FAM117A: variants seen among roughly 807,000 people sequenced by gnomAD.
The protein encoded by FAM117A is family with sequence similarity 117 member A.
In FAM117A, 21 loss-of-function variants were observed where a neutral mutation model predicts 44.1. That is an observed-to-expected ratio of 0.48 (90% CI 0.34 to 0.69). The LOEUF (loss-of-function observed/expected upper bound fraction) is 0.69. Ranked by LOEUF, FAM117A falls within the 30% of genes least tolerant of loss-of-function variation. FAM117A has a pLI of 0.01. For missense variants in FAM117A, 498 were observed against 589.9 expected (o/e 0.84, Z 1.61); for synonymous variants, 220 against 238.3 (o/e 0.92, Z 0.71).
At chr17:49,746,027 G>A (rs1430430811) in intron 1 of FAM117A, among the ~76,000 whole-genome samples, 1 of 152,184 alleles carries the variant, frequency 6.6e-6, no homozygotes, top group East Asian at 1.9e-4. Context: ...TTATGGAGAA[G>A]GATGTTTTTA....
chr17:49,712,384 ACTC>A (rs1439795477), intron 7 of FAM117A, among the ~76,000 whole-genome samples: 1 of 150,512 alleles, frequency 6.6e-6, no homozygotes, highest in East Asian at 1.9e-4. Context: ...TAGTACCACG[ACTC>A]CTCCCCTCTA....
At chr17:49,748,986 G>A (rs1419012075) in intron 1 of FAM117A, among the ~76,000 whole-genome samples, 1 of 152,120 alleles carries the variant, frequency 6.6e-6, no homozygotes, top group Non-Finnish European at 1.5e-5. Context: ...GGGCCCTGTG[G>A]TTAATGAAAG....
At chr17:49,723,121 C>G (rs563273070) in intron 2 of FAM117A, among the ~76,000 whole-genome samples, 1 of 152,276 alleles carries the variant, frequency 6.6e-6, no homozygotes, top group South Asian at 2.1e-4. Context: ...GCAGGGGACT[C>G]CTGTATGGTG....
chr17:49,782,706 A>C (rs987236073), intron 1 of FAM117A, among the ~76,000 whole-genome samples: 5 of 151,932 alleles, frequency 3.3e-5, no homozygotes, highest in Admixed American at 6.6e-5. Context: ...AAAAAAAAAA[A>C]AAAAACCCTT....
upstream of FAM117A, among the ~76,000 whole-genome samples, chr17:49,764,640 T>TA (rs781546249): frequency 9.2e-5 from 14 of 152,324 alleles, no homozygotes; most frequent in African/African-American, 2.6e-4. Flanking sequence ...TAATTTAACC[T>TA]AAAAAACATT....
chr17:49,730,215 T>C lies in FAM117A; in HGVS notation c.366+2336A>G, dbSNP rs954160974. 3.3e-5 allele frequency among the ~76,000 whole-genome samples: 5 copies of C among 152,230 alleles called. 1 individual carries two copies. The highest frequency in any genetic ancestry group is 5.9e-5 in the Non-Finnish European group (4 of 68,028). On this transcript the variant is annotated intron_variant, in intron 2 of 7. Coordinates refer to ENST00000240364, the MANE Select transcript of FAM117A (RefSeq NM_030802.4). ...GACTGCGGCCACAATATTGACAGGT[T>C]GCTAAGAGTTCCTCGAGGGCTGGAG... is the stretch of plus-strand genomic sequence containing the variant.
intron 2 of FAM117A, among the ~76,000 whole-genome samples, chr17:49,731,787 A>AT (rs146601145): frequency 0.025 from 3,792 of 151,838 alleles, 155 homozygotes; most frequent in African/African-American, 0.086. Context: ...CTCATTTTTT[A>AT]TTTTTTTTAT....
At chr17:49,762,833 T>C (rs549138888) in intron 1 of FAM117A, among the ~76,000 whole-genome samples, 181 of 152,326 alleles carry the variant, frequency 1.2e-3, no homozygotes, top group African/African-American at 4.3e-3. Flanking sequence ...AGGTTCCTTT[T>C]CCCCTTCCTA....
intron 1 of FAM117A, among the ~76,000 whole-genome samples, chr17:49,738,004 G>A (rs982005082): frequency 1.3e-5 from 2 of 152,192 alleles, no homozygotes; most frequent in African/African-American, 4.8e-5. Flanking sequence ...ACCTAATGGA[G>A]GAGATGGCAG....
At chr17:49,772,192 C>T (rs939225168) in intron 1 of FAM117A, among the ~76,000 whole-genome samples, 2 of 151,804 alleles carry the variant, frequency 1.3e-5, no homozygotes, top group Non-Finnish European at 2.9e-5. Context: ...ATTTGGGAGG[C>T]TGAGGTGGGA....
chr17:49,756,635 G>A (rs1275988611), intron 1 of FAM117A, among the ~76,000 whole-genome samples: 2 of 151,522 alleles, frequency 1.3e-5, no homozygotes, highest in Non-Finnish European at 2.9e-5. Context: ...AGAGACAAAG[G>A]CCAGGCGTGG....
Position 49,732,539 on chromosome 17 carries a change from G to C in FAM117A, c.366+12C>G, listed in dbSNP as rs1182635880. On this transcript the variant is annotated intron_variant, in intron 2 of 7. Transcript: ENST00000240364. ...CCTTATCCCTTATCCCATCAGGAGAGAGCTTCATTACCTGGGTGGCCTTGT... is the reference window on the plus strand; with the variant it reads ...CCTTATCCCTTATCCCATCAGGAGACAGCTTCATTACCTGGGTGGCCTTGT... 4 of 1,613,902 alleles carry C rather than the reference G, an allele frequency of 2.5e-6. No homozygotes were observed. Among genetic ancestry groups the C allele is most frequent in the Admixed American group, 1.7e-5 (1 of 59,990 alleles).
intron 2 of FAM117A, chr17:49,724,388 A>T: frequency 2.2e-6 from 1 of 456,228 alleles, no homozygotes; most frequent in Non-Finnish European, 4.4e-6. Context: ...AAGATACTGT[A>T]CTCACAGGTG....
chr17:49,727,641 G>A (rs1206181983), intron 2 of FAM117A, among the ~76,000 whole-genome samples: 1 of 152,160 alleles, frequency 6.6e-6, no homozygotes, highest in African/African-American at 2.4e-5. Flanking sequence ...GGACAGCTGG[G>A]CATGGGGGTG....
intron 2 of FAM117A, among the ~76,000 whole-genome samples, chr17:49,725,639 G>A (rs751423559): frequency 2.0e-4 from 30 of 152,192 alleles, no homozygotes; most frequent in Non-Finnish European, 2.9e-4. Context: ...GCCCTGTGGC[G>A]GCAATGAGCC....
At position 49,723,790 on chromosome 17, in the gene FAM117A, G is replaced by C. The variant is rs1447774552; in HGVS notation, c.367-1196C>G. Among the ~76,000 whole-genome samples the C allele has an allele frequency of 2.6e-5, 4 of 152,292 alleles. No individual in the cohort carries two copies. In the East Asian group the frequency reaches 5.8e-4, roughly 22 times the overall value. The stretch of plus-strand genomic sequence containing the variant: ...GCTGCAGTGGAGAGGGGCCACTGGG[G>C]ATTGGGGCTCCCTGGCTCTTCCTTC... On this transcript the variant is annotated intron_variant, in intron 2 of 7. Coordinates refer to ENST00000240364, the MANE Select transcript of FAM117A (RefSeq NM_030802.4).
At chr17:49,743,452 A>C (rs1321110234) in intron 1 of FAM117A, among the ~76,000 whole-genome samples, 2 of 152,196 alleles carry the variant, frequency 1.3e-5, no homozygotes, top group African/African-American at 4.8e-5. Context: ...AAAAAAGGCC[A>C]GGCACAGTGG....
At chr17:49,712,161 G>T (rs2073481899) in intron 7 of FAM117A, among the ~76,000 whole-genome samples, 1 of 151,878 alleles carries the variant, frequency 6.6e-6, no homozygotes, top group African/African-American at 2.4e-5. Flanking sequence ...GAAAAGAAAA[G>T]AAATATTTCC....
chr17:49,712,513 G>GTTGTT (rs1382473716), intron 7 of FAM117A, among the ~76,000 whole-genome samples: 3 of 152,094 alleles, frequency 2.0e-5, no homozygotes, highest in African/African-American at 7.2e-5. Flanking sequence ...GTTTATTGTT[G>GTTGTT]TTGTTTTGTT....
Sources: allele counts gnomAD v4.1 joint callset (sites outside exome capture counted in the v4.1 genomes callset), GRCh38; gene constraint gnomAD v4.1.1; transcripts MANE v1.5; gene names NCBI Gene and HGNC (gene_info 2026-07-23, HGNC 2026-07-21).